CHIA: variants seen among roughly 807,000 people sequenced by gnomAD.
The protein encoded by CHIA is chitinase acidic.
A neutral mutation model predicts 53.5 loss-of-function variants in CHIA; 47 were observed. The ratio of observed to expected loss-of-function variants is 0.88; its 90% CI spans 0.70 to 1.12. The LOEUF is 1.12. Among genes scored for constraint, CHIA ranks in the 50% most tolerant of loss-of-function variants. The probability of loss-of-function intolerance (pLI) is 0.00; values close to 1 mark genes in which losing one functional copy is unlikely to be tolerated. For missense variants in CHIA, 652 were observed against 592.2 expected (o/e 1.10, Z -1.05); for synonymous variants, 268 against 222.2 (o/e 1.21, Z -1.83).
chr1:111,310,643 T>C, intron 2 of CHIA, 151 bp downstream of exon 2: 1 of 1,458,466 alleles, frequency 6.9e-7, no homozygotes. Context: ...TCTTGTTATA[T>C]ACAAATCAGT....
chr1:111,315,346 G>T lies in CHIA; in HGVS notation c.391G>T (p.Glu131Ter), dbSNP rs773289387. The change falls in exon 6 of 12, where the codon GAG becomes TAG. Residue 131 changes from glutamate to a stop codon, truncating the protein, a stop_gained. Transcript: ENST00000369740. LOFTEE classifies it high-confidence loss of function. Reference sequence around the variant, plus strand: ...AGTCATCAAATTCCTGCGCCAGTATGAGTTTGACGGGCTGGACTTTGACTG... The same window carrying T: ...AGTCATCAAATTCCTGCGCCAGTATTAGTTTGACGGGCTGGACTTTGACTG... Reference protein sequence around the residue: ...TSVIKFLRQYEFDGLDFDWEY... With the variant: ...TSVIKFLRQY 9.9e-6 allele frequency: 16 copies of T among 1,613,952 alleles called. No homozygotes were observed. The highest frequency in any genetic ancestry group is 1.2e-5 in the Non-Finnish European group (14 of 1,179,956).
Position 111,290,919 on chromosome 1 carries a change from T to C in CHIA, c.-100T>C. On this transcript the variant is annotated 5_prime_UTR_variant, in exon 1 of 12. Coordinates refer to ENST00000369740, the MANE Select transcript of CHIA (RefSeq NM_201653.4). ...CGACTCTGGAGCCCAGGCTGTTGCT[T>C]TCCAGTCTGGTGGTGAATCCTCCAT... The C allele has an allele frequency of 2.1e-6, 1 of 468,318 alleles. No individual in the cohort carries two copies. 29.0% of individuals were successfully genotyped at this position (468,318 alleles called of 1,614,324 possible).
In CHIA at chr1:111,317,718, T is replaced by A; in HGVS notation, c.518T>A (p.Ile173Asn). ...GCTTTTGAGCAGGAGGCCAAGCAGA[T>A]CAACAAGCCCAGGCTGATGGTCACT... ...REAFEQEAKQ[I>N]NKPRLMVTAA... Residue 173 changes from isoleucine to asparagine, a missense_variant, in exon 7 of 12, where the codon ATC (isoleucine) becomes AAC (asparagine). Ile to Asn is a moderately radical substitution (Grantham distance 149). Transcript: ENST00000369740. The A allele has an allele frequency of 6.2e-7, 1 of 1,614,110 alleles. No homozygotes were observed. The highest frequency in any genetic ancestry group is 8.5e-7 in the Non-Finnish European group (1 of 1,180,024).
At position 111,318,019 on chromosome 1, in the gene CHIA, C is replaced by A. The variant is rs1041004777; in HGVS notation, c.639C>A (p.Asp213Glu). The A allele has an allele frequency of 1.9e-6, 3 of 1,614,150 alleles. No homozygotes were observed. Among genetic ancestry groups the A allele is most frequent in the Non-Finnish European group, 2.5e-6 (3 of 1,180,012 alleles). The change falls in exon 8 of 12, where the codon GAC becomes GAA. Residue 213 changes from aspartate to glutamate, a missense_variant. Transcript: ENST00000369740. ...ACTACATCCATGTCATGACCTACGA[C>A]CTCCATGGCTCCTGGGAGGGCTACA... is the stretch of plus-strand genomic sequence containing the variant. ...YLDYIHVMTY[D>E]LHGSWEGYTG...
At position 111,315,370 on chromosome 1, in the gene CHIA, TG is replaced by T. The variant is rs144029730; in HGVS notation, c.418del (p.Glu140SerfsTer39). Reference protein sequence around the residue: ...QYEFDGLDFDWEYPGSRGSPP... With the variant: ...QYEFDGLDFDXEYPGSRGSPP... ...TGAGTTTGACGGGCTGGACTTTGAC[TG>T]GGAGTACCCTGGCTCTCGTGGGAGC... On this transcript the variant is annotated frameshift_variant, in exon 6 of 12. Transcript: ENST00000369740. LOFTEE classifies it high-confidence loss of function. 1.9e-6 allele frequency: 3 copies of T among 1,614,108 alleles called. No individual in the cohort carries two copies. In the African/African-American group the frequency reaches 4.0e-5, roughly 22 times the overall value.
intron 1 of CHIA, 54 bp from the exon 2 acceptor site, chr1:111,310,346 G>A (rs1648562263): frequency 1.0e-5 from 16 of 1,550,144 alleles, no homozygotes; most frequent in Admixed American, 1.9e-5. Flanking sequence ...GAGAAGGTCC[G>A]TTGATTTACT....
intron 1 of CHIA, among the ~76,000 whole-genome samples, chr1:111,307,051 T>G (rs1412502311): frequency 2.0e-5 from 3 of 152,206 alleles, no homozygotes; most frequent in Non-Finnish European, 2.9e-5. Context: ...AGCTAAATAG[T>G]AAATTTTAAT....
chr1:111,317,048 T>C (rs1218753297), intron 6 of CHIA: 1 of 152,438 alleles, frequency 6.6e-6, no homozygotes, highest in African/African-American at 2.4e-5. Context: ...ATTTCTCTTA[T>C]TCCAGTTAAA....
At chr1:111,311,474 A>G (rs4839121) in intron 2 of CHIA, among the ~76,000 whole-genome samples, 149,534 of 152,248 alleles carry the variant, frequency 0.98, 73,503 homozygotes, top group East Asian at 1. Context: ...TTGTGACAAG[A>G]AAGGTGTGAG....
In CHIA at chr1:111,318,606, T is replaced by C. The variant is rs771983169; in HGVS notation, c.843T>C (p.Ile281=). The part of the protein sequence containing the change: ...FILSNPSNTG[I]GAPTSGAGPA... ...TGAGCAACCCCTCCAACACTGGAATTGGTGCCCCCACCTCTGGTGCTGGTC... is the reference window on the plus strand; with the variant it reads ...TGAGCAACCCCTCCAACACTGGAATCGGTGCCCCCACCTCTGGTGCTGGTC... Residue 281 remains isoleucine (I), a synonymous_variant, in exon 9 of 12, where the codon ATT becomes ATC. Transcript: ENST00000369740. 4.3e-6 allele frequency: 7 copies of C among 1,614,082 alleles called. No homozygotes were observed. In the Admixed American group the frequency reaches 6.7e-5, roughly 15 times the overall value.
At chr1:111,305,192 T>C (rs978492573) in intron 1 of CHIA, among the ~76,000 whole-genome samples, 3 of 152,228 alleles carry the variant, frequency 2.0e-5, no homozygotes, top group Non-Finnish European at 4.4e-5. Flanking sequence ...TTTCTAATTC[T>C]CCCAGTATAT....
chr1:111,310,640 A>G, intron 2 of CHIA, 148 bp downstream of exon 2: 6 of 1,477,698 alleles, frequency 4.1e-6, no homozygotes, highest in Non-Finnish European at 5.4e-6. Flanking sequence ...GAATCTTGTT[A>G]TATACAAATC....
rs547882169 is a variant in CHIA at position 111,309,155 on chromosome 1, C to T, written c.-68-1245C>T. ...TTACCTATGTAACAAACCTGCACACCTTGCACATGCACCCTGGAACTAAAA... is the reference window on the plus strand; with the variant it reads ...TTACCTATGTAACAAACCTGCACACTTTGCACATGCACCCTGGAACTAAAA... On this transcript the variant is annotated intron_variant, in intron 1 of 11. Coordinates refer to ENST00000369740, the MANE Select transcript of CHIA (RefSeq NM_201653.4). Among the ~76,000 whole-genome samples the T allele has an allele frequency of 2.6e-5, 4 of 152,330 alleles. No homozygotes were observed. In the South Asian group the frequency reaches 6.2e-4, roughly 24 times the overall value.
In CHIA at chr1:111,312,402, G is replaced by C. The variant is rs1648764254; in HGVS notation, c.257+11G>C. On this transcript the variant is annotated intron_variant, in intron 4 of 11. Coordinates refer to ENST00000369740, the MANE Select transcript of CHIA (RefSeq NM_201653.4). ...TGGCCTGAAAAATAAGTAGGATGAGGGAGATATTTAATTTGGCATCCCCTT... is the reference window on the plus strand; with the variant it reads ...TGGCCTGAAAAATAAGTAGGATGAGCGAGATATTTAATTTGGCATCCCCTT... 3 of 1,605,030 alleles carry C rather than the reference G, an allele frequency of 1.9e-6. No homozygotes were observed. The highest frequency in any genetic ancestry group is 2.6e-6 in the Non-Finnish European group (3 of 1,171,740).
chr1:111,314,363 T>G (rs1648968606), intron 4 of CHIA, among the ~76,000 whole-genome samples, 177 bp from the exon 5 acceptor site: 1 of 152,204 alleles, frequency 6.6e-6, no homozygotes, highest in Non-Finnish European at 1.5e-5. Context: ...CTGAGTGCAT[T>G]CATGACAGGA....
At chr1:111,310,958 A>T (rs1648614155) in intron 2 of CHIA, among the ~76,000 whole-genome samples, 1 of 152,090 alleles carries the variant, frequency 6.6e-6, no homozygotes, top group African/African-American at 2.4e-5. Context: ...TTCTCTATTT[A>T]CTCCCCTATT....
rs768374213 is a variant in CHIA, at chr1:111,317,789, A to AT, written c.590dup (p.Gln199ProfsTer36). The AT allele has an allele frequency of 6.2e-7, 1 of 1,613,394 alleles. No homozygotes were observed. Among genetic ancestry groups the AT allele is most frequent in the African/African-American group, 1.3e-5 (1 of 74,882 alleles). On this transcript the variant is annotated frameshift_variant, in exon 7 of 12. Coordinates refer to ENST00000369740, the MANE Select transcript of CHIA (RefSeq NM_201653.4). LOFTEE classifies it high-confidence loss of function. ...CTCCAATATCCAGTCTGGCTATGAG[A>AT]TCCCCCAACTGTCACAGTGAGTGAT... is the stretch of plus-strand genomic sequence containing the variant.
chr1:111,309,012 C>G (rs1198130764), intron 1 of CHIA, among the ~76,000 whole-genome samples: 1 of 152,146 alleles, frequency 6.6e-6, no homozygotes, highest in Non-Finnish European at 1.5e-5. Flanking sequence ...ACAACACACA[C>G]TAGGGCCTGT....
chr1:111,309,079 T>G (rs1228260983), intron 1 of CHIA, among the ~76,000 whole-genome samples: 4 of 152,174 alleles, frequency 2.6e-5, no homozygotes, highest in African/African-American at 9.7e-5. Flanking sequence ...ATGCTGGGCT[T>G]AATATTTAGG....
Sources: gnomAD v4.1 joint callset for allele counts (sites outside exome capture counted in the v4.1 genomes callset) on GRCh38, gnomAD v4.1.1 for gene constraint, MANE v1.5 for transcripts, NCBI Gene and HGNC (gene_info 2026-07-23, HGNC 2026-07-21) for gene names.